Variants in CYP3A43 observed in about 807,000 individuals in gnomAD.
CYP3A43 encodes the protein cytochrome P450 3A43.
A neutral mutation model predicts 58.0 loss-of-function variants in CYP3A43; 45 were observed. The observed-to-expected ratio is 0.78, with a 90% CI of 0.61 to 0.99. The LOEUF (loss-of-function observed/expected upper bound fraction) is 0.99. Among genes scored for constraint, CYP3A43 ranks in the 50% least tolerant of loss-of-function variants. The pLI is 0.00. For missense variants in CYP3A43, 593 were observed against 591.9 expected, an observed-to-expected ratio of 1.00 and a Z score of -0.02; for synonymous variants, 191 against 201.4, an observed-to-expected ratio of 0.95 and a Z score of 0.44.
chr7:99,831,190 C>T (rs1162899517), intron 1 of CYP3A43, among the ~76,000 whole-genome samples: 2 of 152,300 alleles, frequency 1.3e-5, no homozygotes, highest in African/African-American at 2.4e-5. Context: ...ACTGTGGGGT[C>T]CTTCAAACAC....
chr7:99,829,230 A>C (rs1017914889), intron 1 of CYP3A43, among the ~76,000 whole-genome samples: 1 of 152,200 alleles, frequency 6.6e-6, no homozygotes, highest in African/African-American at 2.4e-5. Flanking sequence ...AGACAGGGGA[A>C]TTGTAATAGA....
intron 1 of CYP3A43, among the ~76,000 whole-genome samples, chr7:99,834,367 CT>C (rs1347633786): frequency 1.3e-5 from 2 of 152,088 alleles, no homozygotes; most frequent in Non-Finnish European, 2.9e-5. Context: ...ATGTCCACAT[CT>C]TTTTTGATAT....
At chr7:99,843,216 AC>A (rs1817409237) in intron 3 of CYP3A43, among the ~76,000 whole-genome samples, 2 of 151,862 alleles carry the variant, frequency 1.3e-5, no homozygotes, top group Non-Finnish European at 2.9e-5. Context: ...CACTACCTAC[AC>A]ACTCTCCTTC....
intron 7 of CYP3A43, among the ~76,000 whole-genome samples, chr7:99,855,282 A>G (rs144140103): frequency 6.6e-6 from 1 of 152,340 alleles, no homozygotes; most frequent in South Asian, 2.1e-4. Context: ...AAGAGACTCT[A>G]GTCCAGTAGA....
intron 3 of CYP3A43, among the ~76,000 whole-genome samples, chr7:99,840,860 C>T (rs1164298801): frequency 6.6e-6 from 1 of 152,156 alleles, no homozygotes; most frequent in Non-Finnish European, 1.5e-5. Context: ...TGGCCCTCAG[C>T]CTGCAGAAAT....
intron 9 of CYP3A43, 111 bp from the exon 10 acceptor site, chr7:99,859,719 T>C (rs1175959755): frequency 4.2e-6 from 6 of 1,416,980 alleles, no homozygotes; most frequent in Admixed American, 1.9e-5. Context: ...CTGAATTGCT[T>C]TTCTATTTTT....
chr7:99,865,966 G>T lies in CYP3A43; in HGVS notation c.1477G>T (p.Val493Leu), dbSNP rs749852941. The T allele has an allele frequency of 1.2e-6, 2 of 1,606,676 alleles. No homozygotes were observed. The highest frequency in any genetic ancestry group is 1.7e-6 in the Non-Finnish European group (2 of 1,176,750). ...ACCAGAAAAACCTATTGTTCTAAAA[G>T]TGCACTTAAGAGATGGGATTACAAG... ...LQPEKPIVLK[V>L]HLRDGITSGP The change falls in exon 13 of 13, where the codon GTG becomes TTG. Residue 493 changes from valine (V) to leucine (L), a missense_variant. Transcript: ENST00000354829.
intron 2 of CYP3A43, 55 bp from the exon 3 acceptor site, chr7:99,839,065 T>G: frequency 6.2e-7 from 1 of 1,606,146 alleles, no homozygotes; most frequent in Non-Finnish European, 8.5e-7. Context: ...TGGTTAAATG[T>G]AGCGTTCAGT....
At chr7:99,846,095 A>C (rs912160331) in intron 4 of CYP3A43, among the ~76,000 whole-genome samples, 1 of 152,208 alleles carries the variant, frequency 6.6e-6, no homozygotes, top group African/African-American at 2.4e-5. Flanking sequence ...TTTCCATAAA[A>C]ATTCAGAACA....
chr7:99,851,039 T>G (rs1584225806), intron 7 of CYP3A43, among the ~76,000 whole-genome samples: 1 of 152,030 alleles, frequency 6.6e-6, no homozygotes, highest in South Asian at 2.1e-4. Context: ...TGGTGGCGGG[T>G]GTCTGTAATC....
Position 99,861,783 on chromosome 7 carries a change from T to C in CYP3A43, c.1197T>C (p.Tyr399=). Residue 399 remains tyrosine, a synonymous_variant, in exon 11 of 13, where the codon TAT becomes TAC. Transcript: ENST00000354829. ...GGTTAGCAGTGATGGTTCCAATCTA[T>C]GCTCTTCACCATGACCCAAAGTACT... ...PKGLAVMVPI[Y]ALHHDPKYWT... The C allele has an allele frequency of 6.2e-7, 1 of 1,614,184 alleles. No individual in the cohort carries two copies. Among genetic ancestry groups the C allele is most frequent in the Non-Finnish European group, 8.5e-7 (1 of 1,180,012 alleles).
chr7:99,863,508 C>T (rs1173255256), intron 11 of CYP3A43, 29 bp from the exon 12 acceptor site: 1 of 1,542,036 alleles, frequency 6.5e-7, no homozygotes, highest in South Asian at 1.3e-5. Flanking sequence ...GTTTCATTAA[C>T]TAGTTTTTAT....
chr7:99,865,796 T>C, intron 12 of CYP3A43, 110 bp from the exon 13 acceptor site: 1 of 673,508 alleles, frequency 1.5e-6, no homozygotes, highest in Non-Finnish European at 2.3e-6. Flanking sequence ...GAAAGTAGTT[T>C]TTTTTTAGTC....
At chr7:99,845,783 T>TC (rs1250404899) in intron 4 of CYP3A43, among the ~76,000 whole-genome samples, 1 of 133,628 alleles carries the variant, frequency 7.5e-6, no homozygotes, top group East Asian at 2.0e-4. Flanking sequence ...TGTTTTTGCT[T>TC]TTTTTTTTTT....
At chr7:99,858,031 C>G (rs1174504367) in intron 9 of CYP3A43, among the ~76,000 whole-genome samples, 1 of 152,110 alleles carries the variant, frequency 6.6e-6, no homozygotes, top group African/African-American at 2.4e-5. Context: ...TTGCTCAATA[C>G]AGACATCACT....
intron 11 of CYP3A43, among the ~76,000 whole-genome samples, chr7:99,862,075 T>TA (rs1818260730): frequency 6.6e-6 from 1 of 152,212 alleles, no homozygotes; most frequent in Non-Finnish European, 1.5e-5. Flanking sequence ...TAGACATTTT[T>TA]AAAAACTAGT....
Position 99,856,826 on chromosome 7 carries a change from C to T in CYP3A43, c.799-7C>T. On this transcript the variant is annotated splice_polypyrimidine_tract_variant and splice_region_variant and intron_variant, in intron 8 of 12. Coordinates refer to ENST00000354829, the MANE Select transcript of CYP3A43 (RefSeq NM_057095.3). Reference sequence around the variant, plus strand: ...TCTGTCATTAAAATTTCTCTTTTTGCTTCCAGCATCGAGTAGATTTCTTTC... The same window carrying T: ...TCTGTCATTAAAATTTCTCTTTTTGTTTCCAGCATCGAGTAGATTTCTTTC... The T allele has an allele frequency of 6.2e-7, 1 of 1,613,606 alleles. No homozygotes were observed. The highest frequency in any genetic ancestry group is 8.5e-7 in the Non-Finnish European group (1 of 1,179,910).
Position 99,852,947 on chromosome 7 carries a change from T to A in CYP3A43, c.671-2644T>A, listed in dbSNP as rs1817819245. Among the ~76,000 whole-genome samples the A allele has an allele frequency of 3.3e-5, 5 of 152,384 alleles. No individual in the cohort carries two copies. In the South Asian group the frequency reaches 1.0e-3, roughly 32 times the overall value. On this transcript the variant is annotated intron_variant, in intron 7 of 12. Coordinates refer to ENST00000354829, the MANE Select transcript of CYP3A43 (RefSeq NM_057095.3). ...CTTGTTTCCCTGGGGTAAACCCCTCTTGGTTATGGTATATAATTATTTTTA... is the reference window on the plus strand; with the variant it reads ...CTTGTTTCCCTGGGGTAAACCCCTCATGGTTATGGTATATAATTATTTTTA...
intron 1 of CYP3A43, among the ~76,000 whole-genome samples, chr7:99,836,200 C>T (rs568937329): frequency 3.9e-4 from 60 of 152,292 alleles, no homozygotes; most frequent in African/African-American, 1.4e-3. Context: ...AGGCTCAGTC[C>T]TTTGGATGTT....
Sources: gnomAD v4.1 joint callset for allele counts (sites outside exome capture counted in the v4.1 genomes callset) on GRCh38, gnomAD v4.1.1 for gene constraint, MANE v1.5 for transcripts, NCBI Gene and HGNC (gene_info 2026-07-23, HGNC 2026-07-21) for gene names.